The following ADGRL3 variants were observed in gnomAD, a reference collection of about 807,000 sequenced individuals.
ADGRL3 encodes adhesion G protein-coupled receptor L3.
A neutral mutation model predicts 153.5 loss-of-function variants in ADGRL3; 62 were observed. The ratio of observed to expected loss-of-function variants is 0.40; its 90% CI spans 0.33 to 0.50. ADGRL3 has a LOEUF of 0.50. Ranked by LOEUF, ADGRL3 falls within the 20% of genes least tolerant of loss-of-function variation. ADGRL3 has a pLI of 0.47. For missense variants in ADGRL3, 1,641 were observed against 1,859.4 expected, an observed-to-expected ratio of 0.88 and a Z score of 2.16; for synonymous variants, 710 against 672.5, an observed-to-expected ratio of 1.06 and a Z score of -0.86.
chr4:61,297,215 T>A (rs1276682638), intron 1 of ADGRL3, among the ~76,000 whole-genome samples: 1 of 152,220 alleles, frequency 6.6e-6, no homozygotes, highest in African/African-American at 2.4e-5. Context: ...AAATAGATAA[T>A]TCTGATCTCG....
At chr4:61,327,520 C>G (rs2095490135) in intron 1 of ADGRL3, among the ~76,000 whole-genome samples, 1 of 151,608 alleles carries the variant, frequency 6.6e-6, no homozygotes, top group Admixed American at 6.6e-5. Flanking sequence ...CTTCTAGATG[C>G]CATAAAGTAT....
chr4:61,346,039 C>T (rs553382125), intron 1 of ADGRL3, among the ~76,000 whole-genome samples: 8 of 152,210 alleles, frequency 5.3e-5, no homozygotes, highest in East Asian at 3.9e-4. Flanking sequence ...GCTGCTCCTG[C>T]GCTCACGGCA....
intron 2 of ADGRL3, among the ~76,000 whole-genome samples, chr4:61,441,382 A>G (rs1422580484): frequency 6.6e-6 from 1 of 152,192 alleles, no homozygotes; most frequent in African/African-American, 2.4e-5. Context: ...ATCTTTCATA[A>G]TGGCATGCCA....
chr4:61,767,809 T>C (rs964818982), intron 8 of ADGRL3, among the ~76,000 whole-genome samples: 1 of 152,098 alleles, frequency 6.6e-6, no homozygotes, highest in African/African-American at 2.4e-5. Flanking sequence ...GTTCAGGCGT[T>C]TGGAAGTTCT....
intron 5 of ADGRL3, among the ~76,000 whole-genome samples, chr4:61,620,454 T>G (rs2092420075): frequency 6.6e-6 from 1 of 151,894 alleles, no homozygotes; most frequent in Admixed American, 6.6e-5. Context: ...AGGTGGAAAA[T>G]AAAATGAAAG....
intron 4 of ADGRL3, among the ~76,000 whole-genome samples, chr4:61,540,378 G>A (rs914077628): frequency 5.9e-5 from 9 of 151,832 alleles, no homozygotes; most frequent in Non-Finnish European, 8.8e-5. Context: ...GAGAAACTCC[G>A]TCTCTACTAA....
At chr4:61,947,264 T>G in intron 16 of ADGRL3, 142 bp downstream of exon 16, 1 of 683,690 alleles carries the variant, frequency 1.5e-6, no homozygotes, top group East Asian at 2.7e-5. Context: ...GTGGTAATTT[T>G]TTTGTCAGAA....
chr4:61,577,310 G>T (rs2098892976), intron 4 of ADGRL3, among the ~76,000 whole-genome samples: 1 of 151,750 alleles, frequency 6.6e-6, no homozygotes, highest in Admixed American at 6.6e-5. Flanking sequence ...TTTGTTTGTT[G>T]CTTAATAACT....
At chr4:62,026,157 G>C (rs952698484) in intron 21 of ADGRL3, among the ~76,000 whole-genome samples, 5 of 152,040 alleles carry the variant, frequency 3.3e-5, no homozygotes, top group African/African-American at 1.2e-4. Flanking sequence ...CACAAATCAA[G>C]CCACCGTAAA....
At chr4:61,501,904 T>A (rs953145282) in intron 3 of ADGRL3, among the ~76,000 whole-genome samples, 1 of 152,202 alleles carries the variant, frequency 6.6e-6, no homozygotes, top group African/African-American at 2.4e-5. Flanking sequence ...TGTCTCTGTG[T>A]ACTTCTGTAT....
chr4:61,619,765 TC>T (rs1447930791), intron 5 of ADGRL3, among the ~76,000 whole-genome samples: 1 of 152,222 alleles, frequency 6.6e-6, no homozygotes, highest in Non-Finnish European at 1.5e-5. Context: ...ACTTGAAAGT[TC>T]TGGGGACTGA....
At chr4:61,688,013 C>T (rs372715619) in intron 6 of ADGRL3, among the ~76,000 whole-genome samples, 5 of 151,960 alleles carry the variant, frequency 3.3e-5, no homozygotes, top group Non-Finnish European at 5.9e-5. Flanking sequence ...CAGAAACATA[C>T]GGTTTTCTCA....
intron 3 of ADGRL3, among the ~76,000 whole-genome samples, chr4:61,513,853 T>C (rs528671868): frequency 6.6e-6 from 1 of 152,172 alleles, no homozygotes; most frequent in African/African-American, 2.4e-5. Flanking sequence ...GACCTTATTA[T>C]AGCTTCCTGC....
At chr4:61,949,868 CAT>C (rs1332896722) in intron 17 of ADGRL3, among the ~76,000 whole-genome samples, 5 of 152,088 alleles carry the variant, frequency 3.3e-5, no homozygotes, top group Admixed American at 6.5e-5. Context: ...GAAAAGCACT[CAT>C]AGCTTCAACA....
chr4:61,200,840 C>A lies in ADGRL3; in HGVS notation c.-1165C>A, dbSNP rs1278616339. Among the ~76,000 whole-genome samples, 1 of 151,574 alleles carries A rather than the reference C, an allele frequency of 6.6e-6. No homozygotes were observed. Among genetic ancestry groups the A allele is most frequent in the Non-Finnish European group, 1.5e-5 (1 of 67,884 alleles). ...GCCGCGCGATGAAGCTCCCACATGCCCGCAGCTGCCCGGCCCGGCCGGCGA... is the reference window on the plus strand; with the variant it reads ...GCCGCGCGATGAAGCTCCCACATGCACGCAGCTGCCCGGCCCGGCCGGCGA... On this transcript the variant is annotated 5_prime_UTR_variant, in exon 1 of 27. Coordinates refer to ENST00000683033, the MANE Select transcript of ADGRL3 (RefSeq NM_001387552.1).
At chr4:61,871,381 A>G (rs1437110536) in intron 9 of ADGRL3, among the ~76,000 whole-genome samples, 3 of 152,198 alleles carry the variant, frequency 2.0e-5, no homozygotes, top group African/African-American at 7.2e-5. Context: ...TTAATGGAAT[A>G]TTATTGTGTA....
intron 9 of ADGRL3, among the ~76,000 whole-genome samples, chr4:61,837,031 T>A (rs753878788): frequency 6.6e-6 from 1 of 152,212 alleles, no homozygotes; most frequent in South Asian, 2.1e-4. Context: ...CTTTTGAAAA[T>A]TTGACAAGAT....
chr4:61,563,922 C>T lies in ADGRL3; in HGVS notation c.260-23305C>T, dbSNP rs560690597. Among the ~76,000 whole-genome samples the T allele has an allele frequency of 6.6e-5, 10 of 152,080 alleles. No individual in the cohort carries two copies. The East Asian group carries it at 1.4e-3, about 21-fold the overall frequency. ...ACTCGAGAGGCTGAGGCAGGAGAAT[C>T]GATTGAACTGGGGGAGGCGCAGATT... On this transcript the variant is annotated intron_variant, in intron 4 of 26. Coordinates refer to ENST00000683033, the MANE Select transcript of ADGRL3 (RefSeq NM_001387552.1).
Position 62,070,521 on chromosome 4 carries a change from G to C in ADGRL3, c.4245G>C (p.Gln1415His). The C allele has an allele frequency of 6.4e-7, 1 of 1,550,816 alleles. No individual in the cohort carries two copies. Among genetic ancestry groups the C allele is most frequent in the Non-Finnish European group, 8.7e-7 (1 of 1,146,806 alleles). Residue 1415 changes from glutamine (Q) to histidine (H), a missense_variant, in exon 27 of 27, where the codon CAG becomes CAC. By Grantham distance (24) the Gln-to-His change is conservative. Transcript: ENST00000683033. The part of the protein sequence containing the change: ...PPRVYSTENH[Q>H]PHHYTRRRIP... ...GAGTATACTCCACCGAGAACCACCA[G>C]CCACACCATTATACCAGAAGGCGGA...
Sources: gnomAD v4.1 joint callset for allele counts (sites outside exome capture counted in the v4.1 genomes callset) on GRCh38, gnomAD v4.1.1 for gene constraint, MANE v1.5 for transcripts, NCBI Gene and HGNC (gene_info 2026-07-23, HGNC 2026-07-21) for gene names.